DPEP3: variants seen among roughly 807,000 people sequenced by gnomAD.
The protein encoded by DPEP3 is membrane-bound dipeptidase 3.
In DPEP3, 42 loss-of-function variants were observed where a neutral mutation model predicts 47.5. The observed-to-expected ratio is 0.88, with a 90% CI of 0.69 to 1.14. The LOEUF is 1.14. Among genes scored for constraint, DPEP3 ranks in the 50% most tolerant of loss-of-function variants. The pLI is 0.00. For missense variants in DPEP3, 560 were observed against 635.0 expected (o/e 0.88, Z 1.27); for synonymous variants, 276 against 270.2 (o/e 1.02, Z -0.21).
In DPEP3 at chr16:67,976,198, T is replaced by C; in HGVS notation, c.1125A>G (p.Thr375=). The C allele has an allele frequency of 1.2e-6, 2 of 1,614,202 alleles. No individual in the cohort carries two copies. Among genetic ancestry groups the C allele is most frequent in the South Asian group, 1.1e-5 (1 of 91,080 alleles). Residue 375 remains threonine (T), a synonymous_variant, in exon 9 of 10, where the codon ACA becomes ACG. Coordinates refer to ENST00000268793, the MANE Select transcript of DPEP3 (RefSeq NM_001370198.1). ...RFPQGLEDVS[T]YPVLIEELLS... The stretch of plus-strand genomic sequence containing the variant: ...GCAACTCCTCTATCAGGACTGGGTA[T>C]GTGGACACATCCTCCAGCCCCTGAG...
rs2031253208 is a variant in DPEP3 at position 67,978,559 on chromosome 16, A to T, written c.482T>A (p.Ile161Asn). The change falls in exon 3 of 10, where the codon ATT (isoleucine) becomes AAT (asparagine). Residue 161 changes from isoleucine (I) to asparagine (N), a missense_variant. Ile to Asn is a moderately radical substitution (Grantham distance 149). Coordinates refer to ENST00000268793, the MANE Select transcript of DPEP3 (RefSeq NM_001370198.1). This position sits in a 1 kb window ranked among gnomAD's most constrained non-coding sequence, Gnocchi z 4.4. ...GGCACACATGCGGTGAATGAGGTCAATCTGCTCCAGGGCGAGGCGCACGGC... is the reference window on the plus strand; with the variant it reads ...GGCACACATGCGGTGAATGAGGTCATTCTGCTCCAGGGCGAGGCGCACGGC... ...QTAVRLALEQ[I>N]DLIHRMCASY... 6.2e-7 allele frequency: 1 copy of T among 1,613,932 alleles called. No homozygotes were observed. The highest frequency in any genetic ancestry group is 8.5e-7 in the Non-Finnish European group (1 of 1,179,978).
Position 67,978,324 on chromosome 16 carries a change from C to G in DPEP3, c.629G>C (p.Ser210Thr). ...SLDSSLSVLR[S>T]FYVLGVRYLT... The stretch of plus-strand genomic sequence containing the variant: ...GTAGCGCACCCCCAGCACATAGAAA[C>G]TGCGCAGCACAGAGAGGCTGCTGTC... Residue 210 changes from serine (S) to threonine (T), a missense_variant, in exon 4 of 10, where the codon AGT becomes ACT. Physicochemically the swap from Ser to Thr is moderately conservative, Grantham distance 58. Transcript: ENST00000268793. This position sits in a 1 kb window ranked among gnomAD's most constrained non-coding sequence, Gnocchi z 4.4. 6.2e-7 allele frequency: 1 copy of G among 1,614,174 alleles called. No homozygotes were observed. Among genetic ancestry groups the G allele is most frequent in the Non-Finnish European group, 8.5e-7 (1 of 1,180,012 alleles).
At position 67,980,369 on chromosome 16, in the gene DPEP3, C is replaced by A; in HGVS notation, c.12G>T (p.Thr4=). The change falls in exon 1 of 10, where the codon ACG becomes ACT. Residue 4 remains threonine, a synonymous_variant. Coordinates refer to ENST00000268793, the MANE Select transcript of DPEP3 (RefSeq NM_001370198.1). ...TGAGCGCGCGGGAACCCTCGCGGCCCGTGGGCTGCATGTTGCGCGGGGGTC... is the reference window on the plus strand; with the variant it reads ...TGAGCGCGCGGGAACCCTCGCGGCCAGTGGGCTGCATGTTGCGCGGGGGTC... MQP[T]GREGSRALSR... The A allele has an allele frequency of 1.9e-6, 3 of 1,539,656 alleles. No homozygotes were observed. Among genetic ancestry groups the A allele is most frequent in the Non-Finnish European group, 2.6e-6 (3 of 1,142,704 alleles).
rs372021617 is a variant in DPEP3 at position 67,976,822 on chromosome 16, G to A, written c.1019-47C>T. 19 of 1,531,460 alleles carry A rather than the reference G, an allele frequency of 1.2e-5. No individual in the cohort carries two copies. The African/African-American group carries it at 2.6e-4, about 21-fold the overall frequency. The allele number at this position is 1,531,460 out of a possible 1,614,324, so 94.9% of individuals were successfully genotyped here. ...GCAGCACTAGGCTAGTTAGACCCTGGCACCAGCCCTGTCCCCAGCACTCCA... is the reference window on the plus strand; with the variant it reads ...GCAGCACTAGGCTAGTTAGACCCTGACACCAGCCCTGTCCCCAGCACTCCA... On this transcript the variant is annotated intron_variant, in intron 7 of 9. Coordinates refer to ENST00000268793, the MANE Select transcript of DPEP3 (RefSeq NM_001370198.1).
At chr16:67,979,615 G>A (rs775375923) in intron 2 of DPEP3, 24 bp downstream of exon 2, 6 of 1,612,290 alleles carry the variant, frequency 3.7e-6, no homozygotes, top group African/African-American at 1.3e-5. Context: ...CCATGCTGTG[G>A]CACCCTGTGT....
At position 67,978,205 on chromosome 16, in the gene DPEP3, G is replaced by A; in HGVS notation, c.686+62C>T. On this transcript the variant is annotated intron_variant, in intron 4 of 9. Coordinates refer to ENST00000268793, the MANE Select transcript of DPEP3 (RefSeq NM_001370198.1). The surrounding 1 kb of genome is among the most constrained non-coding windows in gnomAD (Gnocchi z 4.4). ...TCCTCAACGGCTTGGTCACACCCAT[G>A]CCAGGAATGGGGCAGTTTCCACACC... 2 of 1,610,598 alleles carry A rather than the reference G, an allele frequency of 1.2e-6. No homozygotes were observed. Among genetic ancestry groups the A allele is most frequent in the Non-Finnish European group, 1.7e-6 (2 of 1,177,780 alleles).
Position 67,978,202 on chromosome 16 carries a change from C to A in DPEP3, c.686+65G>T. ...TCATCCTCAACGGCTTGGTCACACC[C>A]ATGCCAGGAATGGGGCAGTTTCCAC... On this transcript the variant is annotated intron_variant, in intron 4 of 9. Transcript: ENST00000268793. This position sits in a 1 kb window ranked among gnomAD's most constrained non-coding sequence, Gnocchi z 4.4. 6.2e-7 allele frequency: 1 copy of A among 1,610,504 alleles called. No individual in the cohort carries two copies. Among genetic ancestry groups the A allele is most frequent in the Non-Finnish European group, 8.5e-7 (1 of 1,177,796 alleles).
rs546709886 is a variant in DPEP3 at position 67,977,354 on chromosome 16, T to C, written c.934A>G (p.Lys312Glu). The C allele has an allele frequency of 1.9e-6, 3 of 1,613,610 alleles. No homozygotes were observed. Among genetic ancestry groups the C allele is most frequent in the African/African-American group, 2.7e-5 (2 of 75,000 alleles). The part of the protein sequence containing the change: ...NVPDDILQLL[K>E]KNGGIVMVTL... ...ACCATCACGATGCCACCGTTCTTCT[T>C]CTAGAGGGATAAAGGGATACTCATC... Residue 312 changes from lysine (K) to glutamate (E), a missense_variant and splice_region_variant, in exon 7 of 10, where the codon AAG becomes GAG. Lys to Glu is a moderately conservative substitution (Grantham distance 56). Coordinates refer to ENST00000268793, the MANE Select transcript of DPEP3 (RefSeq NM_001370198.1).
At position 67,978,011 on chromosome 16, in the gene DPEP3, C is replaced by G; in HGVS notation, c.687-4G>C. 6.2e-7 allele frequency: 1 copy of G among 1,613,884 alleles called. No homozygotes were observed. Among genetic ancestry groups the G allele is most frequent in the South Asian group, 1.1e-5 (1 of 91,074 alleles). On this transcript the variant is annotated splice_region_variant and splice_polypyrimidine_tract_variant and intron_variant, in intron 4 of 9. Transcript: ENST00000268793. This position sits in a 1 kb window ranked among gnomAD's most constrained non-coding sequence, Gnocchi z 4.4. ...GAACTTGGTGGAACTCTCTGCCCTG[C>G]AGGACAGCCATGGAAGGGCAATTTA...
Position 67,980,168 on chromosome 16 carries a change from CGTAGTGAGGCCTGGG to C in DPEP3, c.198_212del (p.Leu69_Gly73del), listed in dbSNP as rs1462037535. 1.2e-6 allele frequency: 2 copies of C among 1,611,742 alleles called. No homozygotes were observed. The highest frequency in any genetic ancestry group is 1.7e-6 in the Non-Finnish European group (2 of 1,179,090). ...GGTCCAGGGTTTTGGGGGTGCCTGG[CGTAGTGAGGCCTGGG>C]GTAGTGAGGGCGCTGGGGACACCCG... On this transcript the variant is annotated inframe_deletion, in exon 1 of 10. Coordinates refer to ENST00000268793, the MANE Select transcript of DPEP3 (RefSeq NM_001370198.1).
In DPEP3 at chr16:67,979,703, A is replaced by T; in HGVS notation, c.350T>A (p.Leu117Gln). Residue 117 changes from leucine to glutamine, a missense_variant, in exon 2 of 10, where the codon CTG becomes CAG. Transcript: ENST00000268793. ...RYKNVLQDVN[L>Q]RNFSHGQTSL... is the part of the protein sequence containing the mutation. ...GGTCTGACCATGGCTGAAATTTCGC[A>T]GGTTAACATCCTGAAGCACATTCTT... 6.2e-7 allele frequency: 1 copy of T among 1,614,124 alleles called. No homozygotes were observed. Among genetic ancestry groups the T allele is most frequent in the Non-Finnish European group, 8.5e-7 (1 of 1,180,012 alleles).
chr16:67,979,099 G>A lies in DPEP3; in HGVS notation c.415-473C>T, dbSNP rs138892035. Among the ~76,000 whole-genome samples, 1,187 of 152,310 alleles carry A rather than the reference G, an allele frequency of 7.8e-3. 9 individuals are homozygous for A. The highest frequency in any genetic ancestry group is 0.021 in the African/African-American group (883 of 41,556). Reference sequence around the variant, plus strand: ...GAGGGTGGATCATGTGAGGTCAGGAGTTCGAGACCAGCCTGGCCAACATGG... The same window carrying A: ...GAGGGTGGATCATGTGAGGTCAGGAATTCGAGACCAGCCTGGCCAACATGG... On this transcript the variant is annotated intron_variant, in intron 2 of 9. Transcript: ENST00000268793.
Position 67,978,697 on chromosome 16 carries a change from C to A in DPEP3, c.415-71G>T. ...AACCCCCTAGGCCTGCCACTCCTGC[C>A]TCAGACCCCATAACACCCATTTGGG... On this transcript the variant is annotated intron_variant, in intron 2 of 9. Coordinates refer to ENST00000268793, the MANE Select transcript of DPEP3 (RefSeq NM_001370198.1). This position sits in a 1 kb window ranked among gnomAD's most constrained non-coding sequence, Gnocchi z 4.4. The A allele has an allele frequency of 6.3e-7, 1 of 1,585,842 alleles. No individual in the cohort carries two copies. Among genetic ancestry groups the A allele is most frequent in the South Asian group, 1.1e-5 (1 of 87,736 alleles).
At chr16:67,979,988 G>A in intron 1 of DPEP3, 106 bp downstream of exon 1, 1 of 1,441,130 alleles carries the variant, frequency 6.9e-7, no homozygotes, top group South Asian at 1.4e-5. Context: ...TCCAGGGGTG[G>A]TGTGAGGGAG....
chr16:67,978,391 T>G lies in DPEP3; in HGVS notation c.562A>C (p.Lys188Gln). ...TSAEGLNSSQ[K>Q]LACLIGVEGG... Reference sequence around the variant, plus strand: ...TCCACGCCAATGAGGCAGGCCAGCTTTTGAGAGCTGTTCAGACCTAGAAGG... The same window carrying G: ...TCCACGCCAATGAGGCAGGCCAGCTGTTGAGAGCTGTTCAGACCTAGAAGG... Residue 188 changes from lysine to glutamine, a missense_variant, in exon 4 of 10, where the codon AAG becomes CAG. Transcript: ENST00000268793. The surrounding 1 kb of genome is among the most constrained non-coding windows in gnomAD (Gnocchi z 4.4). 1 of 1,613,956 alleles carries G rather than the reference T, an allele frequency of 6.2e-7. No homozygotes were observed. The highest frequency in any genetic ancestry group is 8.5e-7 in the Non-Finnish European group (1 of 1,179,876).
At position 67,978,415 on chromosome 16, in the gene DPEP3, G is replaced by A. The variant is rs758935207; in HGVS notation, c.545-7C>T. On this transcript the variant is annotated splice_region_variant and splice_polypyrimidine_tract_variant and intron_variant, in intron 3 of 9. Transcript: ENST00000268793. The surrounding 1 kb of genome is among the most constrained non-coding windows in gnomAD (Gnocchi z 4.4). ...TTTTGAGAGCTGTTCAGACCTAGAA[G>A]GAGGTAGAGAGTCAAGTGGTTAGAT... 1.4e-5 allele frequency: 22 copies of A among 1,613,894 alleles called. No homozygotes were observed. In the East Asian group the frequency reaches 4.7e-4, roughly 34 times the overall value.
At chr16:67,977,562 G>A in intron 6 of DPEP3, 91 bp downstream of exon 6, 1 of 1,454,264 alleles carries the variant, frequency 6.9e-7, no homozygotes, top group Non-Finnish European at 9.3e-7. Context: ...TGGTCCAAGG[G>A]TGTGTGAAAC....
rs1224759511 is a variant in DPEP3, at chr16:67,977,933, C to A, written c.756+5G>T. The A allele has an allele frequency of 6.2e-7, 1 of 1,613,820 alleles. No homozygotes were observed. The highest frequency in any genetic ancestry group is 8.5e-7 in the Non-Finnish European group (1 of 1,179,884). ...TGGGTTGGGGTACAAAACAGGAGTCCTCACCTCACCAAAGCTTGTCAATCC... is the reference window on the plus strand; with the variant it reads ...TGGGTTGGGGTACAAAACAGGAGTCATCACCTCACCAAAGCTTGTCAATCC... On this transcript the variant is annotated splice_donor_5th_base_variant and intron_variant, in intron 5 of 9. Transcript: ENST00000268793.
At chr16:67,977,232 C>T in intron 7 of DPEP3, 38 bp downstream of exon 7, 2 of 1,600,222 alleles carry the variant, frequency 1.2e-6, no homozygotes, top group Non-Finnish European at 1.7e-6. Context: ...GCAGCCACAG[C>T]CCAAGCCAGC....
Sources: gnomAD v4.1 joint callset for allele counts (sites outside exome capture counted in the v4.1 genomes callset) on GRCh38, gnomAD v4.1.1 for gene constraint, Gnocchi (gnomAD v3.1) non-coding constraint, MANE v1.5 for transcripts, NCBI Gene and HGNC (gene_info 2026-07-23, HGNC 2026-07-21) for gene names.